The following ZNF451 variants were observed in gnomAD, a reference collection of about 807,000 sequenced individuals.
ZNF451 encodes E3 SUMO-protein ligase ZNF451.
Under a neutral mutation model 107.1 loss-of-function variants are expected in ZNF451, and 80 were observed. The ratio of observed to expected loss-of-function variants is 0.75; its 90% CI spans 0.62 to 0.90. The LOEUF (loss-of-function observed/expected upper bound fraction) is 0.90, where lower values mean the gene tolerates loss of function less well. ZNF451 is among the 40% of genes least tolerant of loss of function. The probability of loss-of-function intolerance (pLI) is 0.00; values close to 1 mark genes in which losing one functional copy is unlikely to be tolerated. For missense variants in ZNF451, 1,107 were observed against 1,236.2 expected (o/e 0.90, Z 1.57); for synonymous variants, 362 against 406.5 (o/e 0.89, Z 1.32).
intron 14 of ZNF451, among the ~76,000 whole-genome samples, chr6:57,164,707 C>A (rs991090847): frequency 6.6e-6 from 1 of 152,172 alleles, no homozygotes; most frequent in African/African-American, 2.4e-5. Flanking sequence ...TTTGGCCTTA[C>A]ATCCACAGTT....
Position 57,099,128 on chromosome 6 carries a change from C to T in ZNF451, c.173C>T (p.Thr58Ile), listed in dbSNP as rs1206680540. ...LVSSDDEEPS[T>I]SYTDENIKRK... ...AGCAGTGATGATGAAGAGCCTAGCA[C>T]CTCTTATACTGATGTAAGTACATTA... Residue 58 changes from threonine (T) to isoleucine (I), a missense_variant, in exon 3 of 15, where the codon ACC (threonine) becomes ATC (isoleucine). Physicochemically the swap from Thr to Ile is moderately conservative, Grantham distance 89. This residue lies in a region of ZNF451 where 339 missense variants were observed against 372.8 expected (regional missense o/e 0.91). Transcript: ENST00000370706. 2.5e-6 allele frequency: 4 copies of T among 1,609,836 alleles called. No individual in the cohort carries two copies. Among genetic ancestry groups the T allele is most frequent in the East Asian group, 2.2e-5 (1 of 44,832 alleles).
rs751290303 is a variant in ZNF451 at position 57,148,038 on chromosome 6, G to C, written c.1953G>C (p.Leu651Phe). Reference sequence around the variant, plus strand: ...AGCCTTTTCATAAGATAGAAACATTGTACCGACATTGCCAAGATGAGCATG... The same window carrying C: ...AGCCTTTTCATAAGATAGAAACATTCTACCGACATTGCCAAGATGAGCATG... ...CRKPFHKIET[L>F]YRHCQDEHDN... The change falls in exon 10 of 15, where the codon TTG (leucine) becomes TTC (phenylalanine). Residue 651 changes from leucine to phenylalanine, a missense_variant. By Grantham distance (22) the Leu-to-Phe change is conservative. This residue lies in a region of ZNF451 where 608 missense variants were observed against 649.2 expected (regional missense o/e 0.94). Coordinates refer to ENST00000370706, the MANE Select transcript of ZNF451 (RefSeq NM_001031623.3). 5 of 1,614,056 alleles carry C rather than the reference G, an allele frequency of 3.1e-6. No homozygotes were observed. In the South Asian group the frequency reaches 5.5e-5, roughly 18 times the overall value.
intron 6 of ZNF451, among the ~76,000 whole-genome samples, chr6:57,133,626 T>C (rs1353316671): frequency 2.0e-5 from 3 of 152,162 alleles, no homozygotes; most frequent in African/African-American, 4.8e-5. Context: ...ATAATAAAAA[T>C]TCTATTTATT....
In ZNF451 at chr6:57,147,118, G is replaced by GCTA; in HGVS notation, c.1035_1036insACT (p.Ala345_Val346insThr). ...TCATTGTCGAAATGCTGGACCTGTAGCTGTAGCTGAGAAGAGCATTACCCA... is the reference window on the plus strand; with the variant it reads ...TCATTGTCGAAATGCTGGACCTGTAGCTACTGTAGCTGAGAAGAGCATTACCCA... On this transcript the variant is annotated inframe_insertion, in exon 10 of 15. Transcript: ENST00000370706. 1 of 1,612,754 alleles carries GCTA rather than the reference G, an allele frequency of 6.2e-7. No individual in the cohort carries two copies. Among genetic ancestry groups the GCTA allele is most frequent in the Non-Finnish European group, 8.5e-7 (1 of 1,179,072 alleles).
intron 3 of ZNF451, chr6:57,099,632 G>T: frequency 1.5e-6 from 1 of 649,914 alleles, no homozygotes. Flanking sequence ...AACCTTGTCT[G>T]TGCCCCACAT....
Position 57,154,101 on chromosome 6 carries a change from T to G in ZNF451, c.3070+54T>G. 1.3e-6 allele frequency: 2 copies of G among 1,581,664 alleles called. 1 individual carries two copies. Among genetic ancestry groups the G allele is most frequent in the South Asian group, 2.2e-5 (2 of 90,362 alleles). On this transcript the variant is annotated intron_variant, in intron 13 of 14. Transcript: ENST00000370706. ...ACCCAAGAGGAGGAGACTTCACTGC[T>G]GAGAGAAACCAATAAACTGCTGTCC...
At chr6:57,095,325 AC>A (rs1461220735) in intron 2 of ZNF451, among the ~76,000 whole-genome samples, 8 of 126,592 alleles carry the variant, frequency 6.3e-5, no homozygotes, top group Non-Finnish European at 8.5e-5. Flanking sequence ...TTTCTGTGAT[AC>A]TTTTTTTTTT....
At chr6:57,106,860 C>G in intron 3 of ZNF451, 2 of 973,252 alleles carry the variant, frequency 2.1e-6, no homozygotes, top group Non-Finnish European at 2.4e-6. Flanking sequence ...TGGAAGTTAT[C>G]AGTAAACTGG....
chr6:57,165,693 C>A (rs2127989604), intron 14 of ZNF451: 1 of 152,092 alleles, frequency 6.6e-6, no homozygotes, highest in South Asian at 2.1e-4. Flanking sequence ...TCCTTTAGTT[C>A]TTTGAACATA....
intron 3 of ZNF451, chr6:57,124,453 C>T (rs1830820113): frequency 1.4e-6 from 1 of 716,694 alleles, no homozygotes; most frequent in Middle Eastern, 2.3e-4. Flanking sequence ...CCTGATGACC[C>T]TACCTCTCTG....
intron 2 of ZNF451, among the ~76,000 whole-genome samples, chr6:57,098,625 A>C (rs1210960994): frequency 6.6e-6 from 1 of 152,236 alleles, no homozygotes; most frequent in African/African-American, 2.4e-5. Flanking sequence ...GGAAAGAAAG[A>C]ATGGAAAAGA....
At chr6:57,102,333 T>C in intron 3 of ZNF451, 1 of 1,180,950 alleles carries the variant, frequency 8.5e-7, no homozygotes. Context: ...TGGACAAATG[T>C]TTATCCTTTA....
intron 3 of ZNF451, chr6:57,106,932 C>A: frequency 1.1e-6 from 1 of 928,766 alleles, no homozygotes; most frequent in Non-Finnish European, 1.3e-6. Context: ...GTTTTATAAA[C>A]CATTAAAATA....
intron 10 of ZNF451, among the ~76,000 whole-genome samples, chr6:57,149,606 G>A (rs147954247): frequency 6.6e-6 from 1 of 152,154 alleles, no homozygotes; most frequent in East Asian, 1.9e-4. Context: ...TAGCATATTT[G>A]GGTACAGTGA....
intron 3 of ZNF451, chr6:57,100,910 A>G: frequency 6.4e-7 from 1 of 1,550,796 alleles, no homozygotes. Context: ...GAGGTCAAAG[A>G]GAATTTACGT....
intron 13 of ZNF451, among the ~76,000 whole-genome samples, chr6:57,155,159 G>T (rs1378299342): frequency 2.0e-5 from 3 of 151,976 alleles, no homozygotes; most frequent in African/African-American, 7.3e-5. Context: ...TCTATCTGTG[G>T]CTTTCTTTTT....
chr6:57,155,616 T>C (rs189925302), intron 13 of ZNF451, among the ~76,000 whole-genome samples: 3 of 152,348 alleles, frequency 2.0e-5, no homozygotes, highest in Admixed American at 2.0e-4. Flanking sequence ...CCTTCTCTTA[T>C]GCTTCTGCTT....
At chr6:57,155,858 C>A (rs2127984826) in intron 13 of ZNF451, among the ~76,000 whole-genome samples, 1 of 137,976 alleles carries the variant, frequency 7.2e-6, no homozygotes, top group South Asian at 2.4e-4. Context: ...ATACTCAGTA[C>A]TCATTTGAAC....
At chr6:57,159,046 C>A (rs1230707174) in intron 13 of ZNF451, 1 of 985,300 alleles carries the variant, frequency 1.0e-6, no homozygotes, top group African/African-American at 1.7e-5. Flanking sequence ...AGTCTGTCTG[C>A]CTGTTGTTTC....
Sources: gnomAD v4.1 joint callset for allele counts (sites outside exome capture counted in the v4.1 genomes callset) on GRCh38, gnomAD v4.1.1 for gene constraint, gnomAD v4.1.1 regional missense constraint, MANE v1.5 for transcripts, NCBI Gene and HGNC (gene_info 2026-07-23, HGNC 2026-07-21) for gene names.